Variants in DCAF1 observed in about 807,000 individuals in gnomAD.
DCAF1 encodes the protein DDB1 and CUL4 associated factor 1.
Under a neutral mutation model 128.0 loss-of-function variants are expected in DCAF1, and 15 were observed. The observed-to-expected ratio is 0.12, with a 90% CI of 0.08 to 0.18. The LOEUF (loss-of-function observed/expected upper bound fraction) is 0.18. Among genes scored for constraint, DCAF1 ranks in the 10% least tolerant of loss-of-function variants. The pLI is 1.00. For missense variants in DCAF1, 988 were observed against 1,649.5 expected (o/e 0.60, Z 6.95); for synonymous variants, 610 against 603.0 (o/e 1.01, Z -0.17).
rs1553660964 is a variant in DCAF1 at position 51,496,352 on chromosome 3, A to C, written c.-9+382T>G. ...TGAGGCAGCAGAATCGCTTGAACCCAGGAGACAGAGGTTGCAGTGAGCCGA... is the reference window on the plus strand; with the variant it reads ...TGAGGCAGCAGAATCGCTTGAACCCCGGAGACAGAGGTTGCAGTGAGCCGA... On this transcript the variant is annotated intron_variant, in intron 2 of 24. Transcript: ENST00000684031. 2.6e-5 allele frequency among the ~76,000 whole-genome samples: 4 copies of C among 152,158 alleles called. No homozygotes were observed. In the South Asian group the frequency reaches 8.3e-4, roughly 32 times the overall value.
intron 3 of DCAF1, among the ~76,000 whole-genome samples, chr3:51,477,671 T>C (rs1316118070): frequency 1.3e-5 from 2 of 152,074 alleles, no homozygotes; most frequent in East Asian, 3.8e-4. Flanking sequence ...TTCCACTGCC[T>C]CGCTATGCAG....
intron 2 of DCAF1, among the ~76,000 whole-genome samples, chr3:51,496,149 G>A (rs543898724): frequency 2.0e-4 from 30 of 152,202 alleles, no homozygotes; most frequent in East Asian, 1.2e-3. Context: ...AAATTAGGCC[G>A]GGCGCAGTGG....
intron 7 of DCAF1, among the ~76,000 whole-genome samples, chr3:51,443,543 T>C (rs576491330): frequency 1.1e-4 from 17 of 151,818 alleles, no homozygotes; most frequent in African/African-American, 3.1e-4. Flanking sequence ...TGAGCCAAGA[T>C]TGCATCACTG....
downstream of DCAF1, chr3:51,396,531 C>A (rs1276446630): frequency 1.2e-5 from 2 of 167,198 alleles, no homozygotes; most frequent in Non-Finnish European, 1.5e-5. Flanking sequence ...CCAGTGCCCC[C>A]ACCCAGGGTT....
At chr3:51,500,029 G>C (rs1487268535), upstream of DCAF1, 1 of 147,902 alleles carries the variant, frequency 6.8e-6, no homozygotes, top group African/African-American at 2.5e-5. Context: ...TCACTCGCGC[G>C]CTACGTGCAC....
At chr3:51,482,705 C>T (rs1706369384) in intron 3 of DCAF1, among the ~76,000 whole-genome samples, 1 of 134,236 alleles carries the variant, frequency 7.4e-6, no homozygotes, top group Admixed American at 8.7e-5. Context: ...GCGGAGGTTG[C>T]AGTGAGCCGA....
chr3:51,470,932 G>T lies in DCAF1; in HGVS notation c.184C>A (p.Pro62Thr). 6.3e-7 allele frequency: 1 copy of T among 1,591,016 alleles called. No homozygotes were observed. Among genetic ancestry groups the T allele is most frequent in the Non-Finnish European group, 8.6e-7 (1 of 1,165,468 alleles). Residue 62 changes from proline to threonine, a missense_variant, in exon 4 of 25, where the codon CCT becomes ACT. By Grantham distance (38) the Pro-to-Thr change is conservative. Coordinates refer to ENST00000684031, the MANE Select transcript of DCAF1 (RefSeq NM_001387579.1). The part of the protein sequence containing the change: ...GDPDPFDDRH[P>T]GRADPECMLG... The stretch of plus-strand genomic sequence containing the variant: ...CACTTAAGAGCACAAATCTTACCAG[G>T]ATGTCGATCATCAAATGGGTCTGGA...
upstream of DCAF1, among the ~76,000 whole-genome samples, chr3:51,502,325 G>A (rs550731237): frequency 4.1e-4 from 63 of 152,184 alleles, no homozygotes; most frequent in Middle Eastern, 3.4e-3. Flanking sequence ...TTGATCCCAG[G>A]AGTTCAAGAC....
At chr3:51,468,695 A>C (rs1553647372) in intron 4 of DCAF1, among the ~76,000 whole-genome samples, 1 of 152,200 alleles carries the variant, frequency 6.6e-6, no homozygotes, top group African/African-American at 2.4e-5. Context: ...GTAGTTACCT[A>C]ATGTTAGCTG....
Position 51,494,286 on chromosome 3 carries a change from T to C in DCAF1, c.-9+2448A>G, listed in dbSNP as rs142379467. On this transcript the variant is annotated intron_variant, in intron 2 of 24. Transcript: ENST00000684031. ...CCGGCCACCACACCCGGCTACTTTT[T>C]TGTATTTGTAGTACAGACGGGGTTT... Among the ~76,000 whole-genome samples the C allele has an allele frequency of 3.7e-3, 564 of 151,874 alleles. 3 individuals carry two copies. Among genetic ancestry groups the C allele is most frequent in the African/African-American group, 0.013 (529 of 41,472 alleles).
At chr3:51,496,260 C>T (rs1708226910) in intron 2 of DCAF1, among the ~76,000 whole-genome samples, 1 of 152,148 alleles carries the variant, frequency 6.6e-6, no homozygotes, top group Non-Finnish European at 1.5e-5. Context: ...CGCATCTCTA[C>T]TAAAAATACC....
intron 23 of DCAF1, among the ~76,000 whole-genome samples, chr3:51,407,938 T>A (rs1489911236): frequency 1.7e-5 from 2 of 115,568 alleles, no homozygotes; most frequent in Non-Finnish European, 1.6e-5. Context: ...TGAGCCAAGA[T>A]CGCAACACTG....
At chr3:51,399,815 C>T (rs1291372924) in intron 24 of DCAF1, among the ~76,000 whole-genome samples, 1 of 152,038 alleles carries the variant, frequency 6.6e-6, no homozygotes, top group Non-Finnish European at 1.5e-5. Flanking sequence ...CAGACAAACC[C>T]TGAGCCCGTA....
At chr3:51,491,030 A>C (rs1707570968) in intron 2 of DCAF1, among the ~76,000 whole-genome samples, 1 of 135,954 alleles carries the variant, frequency 7.4e-6, no homozygotes, top group Admixed American at 7.8e-5. Flanking sequence ...GAATAGGCAC[A>C]ACAATCTTGG....
chr3:51,467,897 T>G (rs1157227574), intron 4 of DCAF1, among the ~76,000 whole-genome samples: 1 of 152,106 alleles, frequency 6.6e-6, no homozygotes, highest in South Asian at 2.1e-4. Context: ...ATGCTTCTAT[T>G]GATGGGTGGC....
chr3:51,420,192 G>C lies in DCAF1; in HGVS notation c.2778C>G (p.Ala926=), dbSNP rs782721950. The change falls in exon 15 of 25, where the codon GCC becomes GCG. Residue 926 remains alanine, a synonymous_variant. Transcript: ENST00000684031. The surrounding 1 kb of genome is among the most constrained non-coding windows in gnomAD (Gnocchi z 6.5). ...HAAVGASAPS[A]PTAHPQPRPP... ...GCCGTGGCTGAGGATGAGCAGTAGGGGCAGAAGGCGCAGAGGCACCCACAG... is the reference window on the plus strand; with the variant it reads ...GCCGTGGCTGAGGATGAGCAGTAGGCGCAGAAGGCGCAGAGGCACCCACAG... 1.2e-6 allele frequency: 2 copies of C among 1,614,016 alleles called. No individual in the cohort carries two copies. The highest frequency in any genetic ancestry group is 3.3e-5 in the Admixed American group (2 of 60,030).
intron 4 of DCAF1, among the ~76,000 whole-genome samples, chr3:51,470,308 C>T (rs1704590385): frequency 6.6e-6 from 1 of 152,166 alleles, no homozygotes; most frequent in South Asian, 2.1e-4. Context: ...TGCCTATAAT[C>T]CCAGCACTTT....
intron 21 of DCAF1, 87 bp downstream of exon 21, chr3:51,413,195 A>C (rs1698585376): frequency 6.5e-7 from 1 of 1,544,758 alleles, no homozygotes; most frequent in African/African-American, 1.4e-5. Flanking sequence ...TTCAATAAAA[A>C]ATTACAGGCC....
At position 51,417,885 on chromosome 3, in the gene DCAF1, T is replaced by A. The variant is rs1490221706; in HGVS notation, c.3518+231A>T. ...ATGTGAACATGGGAAAATACATAGA[T>A]TCTGGGTCGGGGTCTGCTGCATAAT... On this transcript the variant is annotated intron_variant, in intron 17 of 24. Transcript: ENST00000684031. 2.0e-5 allele frequency among the ~76,000 whole-genome samples: 3 copies of A among 151,714 alleles called. No homozygotes were observed. The South Asian group carries it at 6.3e-4, about 32-fold the overall frequency.
Sources: allele counts gnomAD v4.1 joint callset (sites outside exome capture counted in the v4.1 genomes callset), GRCh38; gene constraint gnomAD v4.1.1; non-coding constraint Gnocchi (gnomAD v3.1); transcripts MANE v1.5; gene names NCBI Gene and HGNC (gene_info 2026-07-23, HGNC 2026-07-21).